FBXL17: variants seen among roughly 807,000 people sequenced by gnomAD.
FBXL17 encodes F-box and leucine rich repeat protein 17.
In FBXL17, 22 loss-of-function variants were observed where a neutral mutation model predicts 66.2. The ratio of observed to expected loss-of-function variants is 0.33; its 90% CI spans 0.24 to 0.47. The LOEUF (loss-of-function observed/expected upper bound fraction) is 0.47. FBXL17 is among the 20% of genes least tolerant of loss of function. The probability of loss-of-function intolerance (pLI) is 1.00; values close to 1 mark genes in which losing one functional copy is unlikely to be tolerated. For missense variants in FBXL17, 878 were observed against 948.2 expected (o/e 0.93, Z 0.97); for synonymous variants, 474 against 400.5 (o/e 1.18, Z -2.19).
At chr5:108,058,715 T>C (rs1451666436) in intron 6 of FBXL17, among the ~76,000 whole-genome samples, 2 of 152,134 alleles carry the variant, frequency 1.3e-5, no homozygotes, top group Admixed American at 1.3e-4. Flanking sequence ...GAAATGCAGG[T>C]GAATTTGGGC....
At chr5:108,279,787 C>T (rs892010199) in intron 4 of FBXL17, among the ~76,000 whole-genome samples, 4 of 150,418 alleles carry the variant, frequency 2.7e-5, no homozygotes, top group Non-Finnish European at 5.9e-5. Flanking sequence ...GGGAAAAAAG[C>T]AAATTCTGGA....
At chr5:108,089,375 G>A (rs1184124770) in intron 6 of FBXL17, among the ~76,000 whole-genome samples, 1 of 152,064 alleles carries the variant, frequency 6.6e-6, no homozygotes, top group African/African-American at 2.4e-5. Flanking sequence ...CCTATACCTG[G>A]CCACAGGAGC....
At chr5:108,049,666 G>C (rs963279775) in intron 6 of FBXL17, among the ~76,000 whole-genome samples, 1 of 152,142 alleles carries the variant, frequency 6.6e-6, no homozygotes, top group African/African-American at 2.4e-5. Flanking sequence ...ACACTATGAA[G>C]AAACTGCATC....
intron 7 of FBXL17, among the ~76,000 whole-genome samples, chr5:107,886,694 T>C (rs901254125): frequency 2.0e-4 from 30 of 152,194 alleles, no homozygotes; most frequent in Non-Finnish European, 3.7e-4. Flanking sequence ...GTATGGATTA[T>C]AGTTCATAAA....
At chr5:108,194,626 ATC>A (rs746711302) in intron 5 of FBXL17, among the ~76,000 whole-genome samples, 53 of 152,164 alleles carry the variant, frequency 3.5e-4, no homozygotes, top group Non-Finnish European at 5.9e-4. Flanking sequence ...CTCAGGATCA[ATC>A]TCTCATCACA....
At chr5:108,311,975 C>T (rs1759142463) in intron 4 of FBXL17, among the ~76,000 whole-genome samples, 1 of 152,166 alleles carries the variant, frequency 6.6e-6, no homozygotes, top group Non-Finnish European at 1.5e-5. Flanking sequence ...GACCCCATCT[C>T]CTGTAGCTTC....
intron 6 of FBXL17, among the ~76,000 whole-genome samples, chr5:108,182,417 C>T (rs1753040841): frequency 6.6e-6 from 1 of 152,014 alleles, no homozygotes; most frequent in African/African-American, 2.4e-5. Flanking sequence ...TATGGCATGG[C>T]AAGAACAATG....
intron 8 of FBXL17, chr5:107,879,554 G>T: frequency 1.0e-6 from 1 of 985,370 alleles, no homozygotes; most frequent in Non-Finnish European, 1.2e-6. Flanking sequence ...GCTGGCAAAG[G>T]TCTCGTATAA....
At chr5:108,103,585 A>G (rs116274252) in intron 6 of FBXL17, among the ~76,000 whole-genome samples, 15,207 of 152,172 alleles carry the variant, frequency 0.1, 1,769 homozygotes, top group African/African-American at 0.29. Flanking sequence ...AAACAAAAAA[A>G]AAGATTAATT....
intron 8 of FBXL17, among the ~76,000 whole-genome samples, chr5:107,877,183 C>T (rs1748640641): frequency 6.6e-6 from 1 of 152,206 alleles, no homozygotes; most frequent in Admixed American, 6.5e-5. Context: ...CAAACAGGGG[C>T]TTCTTAATGC....
rs533622707 is a variant in FBXL17 at position 108,126,564 on chromosome 5, T to C, written c.1745+59553A>G. On this transcript the variant is annotated intron_variant, in intron 6 of 8. Coordinates refer to ENST00000542267, the MANE Select transcript of FBXL17 (RefSeq NM_001163315.3). ...ACCATCAGGCATAGGTTATTTTATA[T>C]ATGTGTGTATATATCATTAATTCTT... 8.6e-5 allele frequency among the ~76,000 whole-genome samples: 13 copies of C among 151,626 alleles called. No homozygotes were observed. In the East Asian group the frequency reaches 2.3e-3, roughly 27 times the overall value.
chr5:108,057,428 C>T (rs555451590), intron 6 of FBXL17, among the ~76,000 whole-genome samples: 1 of 152,164 alleles, frequency 6.6e-6, no homozygotes, highest in East Asian at 1.9e-4. Flanking sequence ...AGTTTTTAAG[C>T]CTCTCAAAAA....
intron 1 of FBXL17, among the ~76,000 whole-genome samples, chr5:108,373,326 T>TAAATA (rs1749183511): frequency 4.5e-4 from 44 of 97,588 alleles, no homozygotes; most frequent in Admixed American, 1.2e-3. Context: ...TAAATTTTTA[T>TAAATA]TAATATATAT....
intron 7 of FBXL17, among the ~76,000 whole-genome samples, chr5:107,916,129 T>A (rs950102939): frequency 6.6e-6 from 1 of 152,212 alleles, no homozygotes; most frequent in African/African-American, 2.4e-5. Flanking sequence ...GTGTACATGG[T>A]GCAGTAAACA....
At chr5:108,256,050 G>A (rs1159009276) in intron 4 of FBXL17, among the ~76,000 whole-genome samples, 3 of 152,106 alleles carry the variant, frequency 2.0e-5, no homozygotes, top group Non-Finnish European at 2.9e-5. Flanking sequence ...TTAACCCAAG[G>A]CTTGAGGCAA....
intron 4 of FBXL17, among the ~76,000 whole-genome samples, chr5:108,262,263 G>A (rs576320698): frequency 5.6e-4 from 85 of 151,414 alleles, no homozygotes; most frequent in African/African-American, 2.0e-3. Context: ...ATTTTTAGTA[G>A]AGGCGGGGTT....
intron 4 of FBXL17, chr5:108,298,282 C>T: frequency 1.0e-6 from 1 of 984,812 alleles, no homozygotes; most frequent in South Asian, 4.7e-5. Context: ...GAACAAGACA[C>T]ACAGAATTTG....
intron 2 of FBXL17, among the ~76,000 whole-genome samples, chr5:108,366,629 A>C (rs749077654): frequency 3.9e-5 from 6 of 152,088 alleles, no homozygotes; most frequent in Non-Finnish European, 7.4e-5. Flanking sequence ...TAAATAACTC[A>C]AACATTCAAG....
At chr5:107,930,727 T>C (rs902222296) in intron 7 of FBXL17, among the ~76,000 whole-genome samples, 1 of 152,240 alleles carries the variant, frequency 6.6e-6, no homozygotes, top group East Asian at 1.9e-4. Context: ...TCTTTTATAT[T>C]TCATTTTGTT....
Sources: allele counts gnomAD v4.1 joint callset (sites outside exome capture counted in the v4.1 genomes callset), GRCh38; gene constraint gnomAD v4.1.1; transcripts MANE v1.5; gene names NCBI Gene and HGNC (gene_info 2026-07-23, HGNC 2026-07-21).